Variants in CD163L1 observed in about 807,000 individuals in gnomAD.
The protein encoded by CD163L1 is CD163 molecule like 1.
In CD163L1, 124 loss-of-function variants were observed where a neutral mutation model predicts 165.4. The observed-to-expected ratio is 0.75, with a 90% CI of 0.65 to 0.87. The LOEUF (loss-of-function observed/expected upper bound fraction) is 0.87, where lower values mean the gene tolerates loss of function less well. CD163L1 is among the 40% of genes least tolerant of loss of function. CD163L1 has a pLI of 0.00. For missense variants in CD163L1, 1,525 were observed against 1,799.9 expected, an observed-to-expected ratio of 0.85 and a Z score of 2.76; for synonymous variants, 585 against 662.2, an observed-to-expected ratio of 0.88 and a Z score of 1.79.
intron 4 of CD163L1, among the ~76,000 whole-genome samples, chr12:7,407,808 GACAC>G (rs1174251700): frequency 9.2e-6 from 1 of 109,274 alleles, no homozygotes; most frequent in Non-Finnish European, 2.0e-5. Context: ...CACACACACA[GACAC>G]ACACACACAC....
chr12:7,368,894 T>G lies in CD163L1; in HGVS notation c.4072+39A>C. 1 of 1,607,892 alleles carries G rather than the reference T, an allele frequency of 6.2e-7. No homozygotes were observed. Among genetic ancestry groups the G allele is most frequent in the Middle Eastern group, 1.7e-4 (1 of 6,024 alleles). ...CCTCCCTTGACCTTCCATGTAGCCT[T>G]AGGTATTTGTGTCAGCACTGATAGG... On this transcript the variant is annotated intron_variant, in intron 16 of 19. Transcript: ENST00000313599. This position sits in a 1 kb window ranked among gnomAD's most constrained non-coding sequence, Gnocchi z 4.3.
chr12:7,403,204 A>C (rs1947947507), intron 6 of CD163L1, among the ~76,000 whole-genome samples: 1 of 152,124 alleles, frequency 6.6e-6, no homozygotes, highest in South Asian at 2.1e-4. Flanking sequence ...TAAATAAAAA[A>C]AGTTAAAAAG....
At chr12:7,434,568 G>T (rs935788631) in intron 2 of CD163L1, among the ~76,000 whole-genome samples, 2 of 152,070 alleles carry the variant, frequency 1.3e-5, no homozygotes, top group African/African-American at 2.4e-5. Flanking sequence ...ACTTTATGGT[G>T]AATTCTGTGC....
intron 8 of CD163L1, among the ~76,000 whole-genome samples, chr12:7,385,902 A>C (rs915415395): frequency 6.6e-6 from 1 of 152,080 alleles, no homozygotes; most frequent in African/African-American, 2.4e-5. Flanking sequence ...AAAAGTAGAA[A>C]GATTTCAAAT....
intron 8 of CD163L1, among the ~76,000 whole-genome samples, chr12:7,393,910 G>T (rs1591919283): frequency 6.6e-6 from 1 of 152,162 alleles, no homozygotes; most frequent in Middle Eastern, 3.4e-3. Flanking sequence ...ACTGCTCAAC[G>T]AAATAAAAGA....
rs200668500 is a variant in CD163L1 at position 7,360,144 on chromosome 12, C to CT, written c.4280-2659dup. Among the ~76,000 whole-genome samples the CT allele has an allele frequency of 8.8e-4, 132 of 149,672 alleles. 1 individual carries two copies. The East Asian group carries it at 0.014, about 16-fold the overall frequency. On this transcript the variant is annotated intron_variant, in intron 18 of 19. Coordinates refer to ENST00000313599, the MANE Select transcript of CD163L1 (RefSeq NM_174941.6). ...CCTAACACTCCAATGATATGTACAT[C>CT]TTTTTTTTTTCTTTTCAGATGGAGT...
Position 7,373,374 on chromosome 12 carries a change from G to C in CD163L1, c.3676C>G (p.Pro1226Ala), listed in dbSNP as rs951195637. The change falls in exon 14 of 20, where the codon CCA (proline) becomes GCA (alanine). Residue 1226 changes from proline (P) to alanine (A), a missense_variant. Coordinates refer to ENST00000313599, the MANE Select transcript of CD163L1 (RefSeq NM_174941.6). Reference sequence around the variant, plus strand: ...GGGCTGGAGATTCTTCGCTCCCATGGGGCAGACAGGCACTGCCATATGGAG... The same window carrying C: ...GGGCTGGAGATTCTTCGCTCCCATGCGGCAGACAGGCACTGCCATATGGAG... ...HISIWQCLSAPWERRISSPAE... is the reference protein window; with the variant it reads ...HISIWQCLSAAWERRISSPAE... 2 of 1,613,970 alleles carry C rather than the reference G, an allele frequency of 1.2e-6. No homozygotes were observed. The highest frequency in any genetic ancestry group is 2.7e-5 in the African/African-American group (2 of 74,914).
At chr12:7,439,848 G>C in intron 2 of CD163L1, 2 of 1,613,060 alleles carry the variant, frequency 1.2e-6, no homozygotes, top group South Asian at 2.2e-5. Flanking sequence ...TGTCGCCAAA[G>C]GCCTCCGCTC....
Position 7,433,603 on chromosome 12 carries a change from C to T in CD163L1, c.216G>A (p.Val72=), listed in dbSNP as rs993761352. 1 of 1,614,178 alleles carries T rather than the reference C, an allele frequency of 6.2e-7. No homozygotes were observed. Among genetic ancestry groups the T allele is most frequent in the South Asian group, 1.1e-5 (1 of 91,078 alleles). Residue 72 remains valine (V), a synonymous_variant, in exon 3 of 20, where the codon GTG becomes GTA. Coordinates refer to ENST00000313599, the MANE Select transcript of CD163L1 (RefSeq NM_174941.6). ...CAGTAGTGTTCCACCCATCATCACA[C>T]ACAGTCCCCCACTGTCCCTGGAATT... is the stretch of plus-strand genomic sequence containing the variant. ...EVKFQGQWGT[V]CDDGWNTTAS...
At chr12:7,339,759 T>C in the CD163L1 span, among the ~76,000 whole-genome samples, 1 of 152,154 alleles carries the variant, frequency 6.6e-6, no homozygotes, top group Non-Finnish European at 1.5e-5. Context: ...CATTTATACT[T>C]GTGATATTTC....
At chr12:7,409,670 G>C (rs779199135) in intron 4 of CD163L1, among the ~76,000 whole-genome samples, 1 of 152,292 alleles carries the variant, frequency 6.6e-6, no homozygotes, top group South Asian at 2.1e-4. Context: ...TACAGCCCGG[G>C]GGTTGGAGAC....
rs765652441 is a variant in CD163L1, at chr12:7,380,392, C to T, written c.2051-1094G>A. Among the ~76,000 whole-genome samples, 32 of 140,714 alleles carry T rather than the reference C, an allele frequency of 2.3e-4. No homozygotes were observed. In the East Asian group the frequency reaches 5.1e-3, roughly 23 times the overall value. The allele number at this position is 140,714 out of a possible 152,430, so 92.3% of individuals were successfully genotyped here. On this transcript the variant is annotated intron_variant, in intron 8 of 19. Transcript: ENST00000313599. Reference sequence around the variant, plus strand: ...ATACATACATGTATGTGTGTATATGCGTATACACACATGTATGTGTGTATA... The same window carrying T: ...ATACATACATGTATGTGTGTATATGTGTATACACACATGTATGTGTGTATA...
chr12:7,419,700 A>C (rs1210435486), intron 4 of CD163L1, among the ~76,000 whole-genome samples: 1 of 152,068 alleles, frequency 6.6e-6, no homozygotes. Context: ...GTAGCTCTGC[A>C]TACAACAGCA....
chr12:7,381,539 G>C (rs761940952), intron 8 of CD163L1, among the ~76,000 whole-genome samples: 1 of 152,288 alleles, frequency 6.6e-6, no homozygotes, highest in Non-Finnish European at 1.5e-5. Flanking sequence ...TGAAACATGA[G>C]TCAAGATCTG....
Position 7,368,873 on chromosome 12 carries a change from C to G in CD163L1, c.4072+60G>C. 1 of 1,583,878 alleles carries G rather than the reference C, an allele frequency of 6.3e-7. No homozygotes were observed. Among genetic ancestry groups the G allele is most frequent in the Admixed American group, 1.7e-5 (1 of 59,914 alleles). On this transcript the variant is annotated intron_variant, in intron 16 of 19. Transcript: ENST00000313599. The surrounding 1 kb of genome is among the most constrained non-coding windows in gnomAD (Gnocchi z 4.3). Reference sequence around the variant, plus strand: ...GATTATCATAGCAGTTTCTGCCCTCCCTTGACCTTCCATGTAGCCTTAGGT... The same window carrying G: ...GATTATCATAGCAGTTTCTGCCCTCGCTTGACCTTCCATGTAGCCTTAGGT...
At chr12:7,402,004 C>T (rs190634955) in intron 6 of CD163L1, among the ~76,000 whole-genome samples, 56 of 151,938 alleles carry the variant, frequency 3.7e-4, no homozygotes, top group Admixed American at 6.5e-4. Context: ...TAAATGTGAA[C>T]AGAATACATA....
At chr12:7,419,535 G>A (rs922622718) in intron 4 of CD163L1, among the ~76,000 whole-genome samples, 1 of 151,758 alleles carries the variant, frequency 6.6e-6, no homozygotes, top group African/African-American at 2.4e-5. Context: ...AAGAAATACA[G>A]AGCATCCAAA....
intron 4 of CD163L1, among the ~76,000 whole-genome samples, chr12:7,419,966 G>A (rs1266444303): frequency 2.6e-5 from 4 of 151,716 alleles, no homozygotes; most frequent in Non-Finnish European, 4.4e-5. Flanking sequence ...AAACTATAAG[G>A]CAATAGTCAC....
chr12:7,433,726 T>A (rs774197277), intron 2 of CD163L1, 32 bp from the exon 3 acceptor site: 5 of 1,515,364 alleles, frequency 3.3e-6, no homozygotes, highest in African/African-American at 1.4e-5. Context: ...ACATTAGAGA[T>A]GGCAAAGATT....
Sources: gnomAD v4.1 joint callset for allele counts (sites outside exome capture counted in the v4.1 genomes callset) on GRCh38, gnomAD v4.1.1 for gene constraint, Gnocchi (gnomAD v3.1) non-coding constraint, MANE v1.5 for transcripts, NCBI Gene and HGNC (gene_info 2026-07-23, HGNC 2026-07-21) for gene names.